Variants in ZNF469 observed in about 807,000 individuals in gnomAD.
The protein encoded by ZNF469 is zinc finger protein 469.
ZNF469 carries 1 observed loss-of-function variant against 1.0 expected under a neutral mutation model. The observed-to-expected ratio is 1.00, with a 90% confidence interval of 0.35 to 4.73. ZNF469 has a LOEUF of 4.73. Ranked by LOEUF, ZNF469 falls within the 30% of genes most tolerant of loss-of-function variation. The probability of loss-of-function intolerance (pLI) is 0.16; values close to 1 mark genes in which losing one functional copy is unlikely to be tolerated. For missense variants in ZNF469, 6,100 were observed against 5,356.3 expected, an observed-to-expected ratio of 1.14 and a Z score of -4.33; for synonymous variants, 2,703 against 2,363.4, an observed-to-expected ratio of 1.14 and a Z score of -4.17.
chr16:88,225,494 G>T, the ZNF469 span, among the ~76,000 whole-genome samples: 9 of 152,214 alleles, frequency 5.9e-5, no homozygotes, highest in African/African-American at 1.9e-4. Flanking sequence ...AAGGTGAGGG[G>T]CAGGGAGGGT....
At chr16:88,155,125 GGC>G in the ZNF469 span, among the ~76,000 whole-genome samples, 8 of 152,320 alleles carry the variant, frequency 5.3e-5, no homozygotes, top group African/African-American at 1.7e-4. Context: ...GGGCTAGGCT[GGC>G]ACAGGTGAGG....
the ZNF469 span, among the ~76,000 whole-genome samples, chr16:88,347,537 T>C: frequency 6.6e-6 from 1 of 152,180 alleles, no homozygotes; most frequent in Non-Finnish European, 1.5e-5. Context: ...ATCTTCACTT[T>C]GGACTTCCAG....
chr16:88,131,476 G>GGGGCC, the ZNF469 span, among the ~76,000 whole-genome samples: 68 of 107,576 alleles, frequency 6.3e-4, 12 homozygotes, highest in African/African-American at 1.6e-3. Context: ...TTCCCTTCCC[G>GGGGCC]TGGCCTGTTG....
the ZNF469 span, among the ~76,000 whole-genome samples, chr16:88,198,987 G>T: frequency 6.6e-6 from 1 of 152,200 alleles, no homozygotes. Flanking sequence ...CTGTTAGCTG[G>T]CTTGGGGTCT....
rs777781528 is a variant in ZNF469 at position 88,432,571 on chromosome 16, G to A, written c.5101G>A (p.Gly1701Arg). Residue 1701 changes from glycine (G) to arginine (R), a missense_variant, in exon 3 of 3, where the codon GGA (glycine) becomes AGA (arginine). Gly to Arg is a moderately radical substitution (Grantham distance 125). Transcript: ENST00000565624. ...NFHFQPVQKA[G>R]ASKTGLCQAE... ...CCATTTTCAGCCAGTGCAGAAAGCCGGAGCCTCCAAGACTGGACTTTGCCA... is the reference window on the plus strand; with the variant it reads ...CCATTTTCAGCCAGTGCAGAAAGCCAGAGCCTCCAAGACTGGACTTTGCCA... 35 of 1,550,306 alleles carry A rather than the reference G, an allele frequency of 2.3e-5. No homozygotes were observed. The highest frequency in any genetic ancestry group is 7.8e-5 in the Admixed American group (4 of 50,992).
the ZNF469 span, among the ~76,000 whole-genome samples, chr16:88,339,659 G>T: frequency 7.4e-5 from 5 of 67,582 alleles, no homozygotes; most frequent in Non-Finnish European, 1.2e-4. Flanking sequence ...GCAGGGGGAT[G>T]GGGGACATGG....
intron 1 of ZNF469, among the ~76,000 whole-genome samples, chr16:88,419,183 G>A (rs1905385173): frequency 6.6e-6 from 1 of 152,236 alleles, no homozygotes; most frequent in Non-Finnish European, 1.5e-5. Flanking sequence ...CACACCCATC[G>A]GGGAGAGGCT....
At chr16:88,141,113 A>G in the ZNF469 span, among the ~76,000 whole-genome samples, 1 of 152,242 alleles carries the variant, frequency 6.6e-6, no homozygotes, top group African/African-American at 2.4e-5. Context: ...TACGGACACA[A>G]TAAATTCTGT....
chr16:88,331,668 TCAC>T, the ZNF469 span, among the ~76,000 whole-genome samples: 5 of 149,260 alleles, frequency 3.3e-5, no homozygotes, highest in Non-Finnish European at 4.5e-5. Flanking sequence ...ATCATCTTCA[TCAC>T]CACCATCACT....
chr16:88,257,952 C>G, the ZNF469 span, among the ~76,000 whole-genome samples: 1 of 152,244 alleles, frequency 6.6e-6, no homozygotes, highest in Non-Finnish European at 1.5e-5. Context: ...CGTCCAGAAG[C>G]TCCTTTCAGT....
At chr16:88,317,373 C>T in the ZNF469 span, among the ~76,000 whole-genome samples, 1 of 152,182 alleles carries the variant, frequency 6.6e-6, no homozygotes, top group African/African-American at 2.4e-5. Flanking sequence ...GAAACGTGGT[C>T]CTAGGGGGAC....
chr16:88,355,503 C>T, the ZNF469 span, among the ~76,000 whole-genome samples: 362 of 152,336 alleles, frequency 2.4e-3, no homozygotes, highest in African/African-American at 8.4e-3. Context: ...CGTCGGTGAC[C>T]CGGGCTCCCG....
At chr16:88,225,727 T>G in the ZNF469 span, among the ~76,000 whole-genome samples, 2 of 151,990 alleles carry the variant, frequency 1.3e-5, no homozygotes. Flanking sequence ...GCCCTTCCCA[T>G]CACATGAGGA....
the ZNF469 span, among the ~76,000 whole-genome samples, chr16:88,365,094 G>A: frequency 6.6e-6 from 1 of 152,224 alleles, no homozygotes; most frequent in Non-Finnish European, 1.5e-5. Flanking sequence ...CCGATTGCAT[G>A]TGGGGAAAAT....
rs1393685387 is a variant in ZNF469 at position 88,436,329 on chromosome 16, C to T, written c.8859C>T (p.Pro2953=). ...ATAGCAGGGTGCCTGGCATTGACCCCTGGGCCCCCGGCCTCAGCCTGTGGG... is the reference window on the plus strand; with the variant it reads ...ATAGCAGGGTGCCTGGCATTGACCCTTGGGCCCCCGGCCTCAGCCTGTGGG... ...FLNSRVPGID[P]WAPGLSLWAL... The change falls in exon 3 of 3, where the codon CCC becomes CCT. Residue 2953 remains proline, a synonymous_variant. Coordinates refer to ENST00000565624, the MANE Select transcript of ZNF469 (RefSeq NM_001367624.2). The T allele has an allele frequency of 6.5e-7, 1 of 1,549,650 alleles. No individual in the cohort carries two copies. The highest frequency in any genetic ancestry group is 8.7e-7 in the Non-Finnish European group (1 of 1,146,454).
At chr16:88,270,043 C>T in the ZNF469 span, among the ~76,000 whole-genome samples, 16 of 152,166 alleles carry the variant, frequency 1.1e-4, no homozygotes, top group South Asian at 2.1e-4. Flanking sequence ...CTCCTGTAGA[C>T]GGGGCAAGCC....
At chr16:88,375,579 G>A in the ZNF469 span, among the ~76,000 whole-genome samples, 234 of 152,292 alleles carry the variant, frequency 1.5e-3, 2 homozygotes, top group African/African-American at 5.4e-3. Flanking sequence ...CGCCCCTGCC[G>A]GTGCCTCTGC....
At chr16:88,129,232 G>A in the ZNF469 span, among the ~76,000 whole-genome samples, 1 of 152,132 alleles carries the variant, frequency 6.6e-6, no homozygotes, top group Admixed American at 6.5e-5. Context: ...AAACTAACAC[G>A]AGCCTCAGGC....
At chr16:88,337,953 A>G in the ZNF469 span, among the ~76,000 whole-genome samples, 5 of 152,142 alleles carry the variant, frequency 3.3e-5, no homozygotes, top group African/African-American at 9.7e-5. Context: ...CACTTTCTCA[A>G]TGGTGTCCTT....
Sources: gnomAD v4.1 joint callset for allele counts (sites outside exome capture counted in the v4.1 genomes callset) on GRCh38, gnomAD v4.1.1 for gene constraint, MANE v1.5 for transcripts, NCBI Gene and HGNC (gene_info 2026-07-23, HGNC 2026-07-21) for gene names.